The following AKAP6 variants were observed in gnomAD, a reference collection of about 807,000 sequenced individuals.
The protein encoded by AKAP6 is A-kinase anchor protein 6.
A neutral mutation model predicts 188.5 loss-of-function variants in AKAP6; 58 were observed. The ratio of observed to expected loss-of-function variants is 0.31; its 90% CI spans 0.25 to 0.38. The LOEUF (loss-of-function observed/expected upper bound fraction) is 0.38. AKAP6 is among the 10% of genes least tolerant of loss of function. The pLI is 1.00. For synonymous variants in AKAP6, 989 were observed against 998.6 expected (o/e 0.99, Z 0.18); for missense variants, 2,710 against 2,740.0 (o/e 0.99, Z 0.24).
At chr14:32,360,712 AGTGTGTGTGTGTGTGT>A (rs35969035) in intron 1 of AKAP6, among the ~76,000 whole-genome samples, 1 of 136,036 alleles carries the variant, frequency 7.4e-6, no homozygotes, top group Non-Finnish European at 1.6e-5. Context: ...TTGGCCATTG[AGTGTGTGTGTGTGTGT>A]GTGTGTGTGT....
At chr14:32,563,546 G>A (rs554050547) in intron 4 of AKAP6, among the ~76,000 whole-genome samples, 1 of 152,232 alleles carries the variant, frequency 6.6e-6, no homozygotes, top group Non-Finnish European at 1.5e-5. Flanking sequence ...CTGGTCTTTT[G>A]ACATCAAATG....
chr14:32,772,592 G>T (rs1431160779), intron 11 of AKAP6, among the ~76,000 whole-genome samples: 1 of 152,144 alleles, frequency 6.6e-6, no homozygotes, highest in Non-Finnish European at 1.5e-5. Flanking sequence ...ATGTCCACCT[G>T]CTGATCTGAT....
chr14:32,729,281 A>G (rs943260577), intron 9 of AKAP6, among the ~76,000 whole-genome samples: 6 of 152,174 alleles, frequency 3.9e-5, no homozygotes, highest in Non-Finnish European at 8.8e-5. Context: ...TAACAAAAAA[A>G]AAGGAGGGGG....
intron 2 of AKAP6, among the ~76,000 whole-genome samples, chr14:32,487,492 C>T (rs1420984277): frequency 2.6e-5 from 4 of 152,204 alleles, no homozygotes; most frequent in Non-Finnish European, 4.4e-5. Context: ...AGAACCTGCT[C>T]CTTTAGCTCA....
At chr14:32,628,116 A>G (rs777223645) in intron 7 of AKAP6, 1 of 152,114 alleles carries the variant, frequency 6.6e-6, no homozygotes, top group Non-Finnish European at 1.5e-5. Context: ...AAAGTACTTG[A>G]TTACACAATA....
chr14:32,380,205 T>G (rs1423832178), intron 1 of AKAP6, among the ~76,000 whole-genome samples: 1 of 152,214 alleles, frequency 6.6e-6, no homozygotes, highest in Admixed American at 6.5e-5. Context: ...CAAATGTCTG[T>G]GTATCCTTCA....
rs143615571 is a variant in AKAP6, at chr14:32,728,348, TTCTATCTATCTA to T, written c.3001-4071_3001-4060del. ...AGATATATTTTATTTTCTCAGTGTA[TTCTATCTATCTA>T]TCTATCTATCTATCTATCTATCTAT... On this transcript the variant is annotated intron_variant, in intron 9 of 13. Coordinates refer to ENST00000280979, the MANE Select transcript of AKAP6 (RefSeq NM_004274.5). Among the ~76,000 whole-genome samples the T allele has an allele frequency of 9.9e-3, 1,400 of 141,066 alleles. 10 individuals are homozygous for T. Among genetic ancestry groups the T allele is most frequent in the East Asian group, 0.061 (219 of 3,616 alleles). The allele number at this position is 141,066 out of a possible 152,430, so 92.5% of individuals were successfully genotyped here. A position where few individuals can be genotyped will look rare whatever the true frequency, so the allele number is the denominator to read the frequency against.
intron 2 of AKAP6, among the ~76,000 whole-genome samples, chr14:32,444,718 G>T (rs1396949936): frequency 7.3e-6 from 1 of 137,712 alleles, no homozygotes; most frequent in Non-Finnish European, 1.5e-5. Context: ...CTGGCCTTTG[G>T]CAAATTATGA....
At chr14:32,644,219 G>T (rs1887886236) in intron 7 of AKAP6, among the ~76,000 whole-genome samples, 1 of 152,196 alleles carries the variant, frequency 6.6e-6, no homozygotes. Flanking sequence ...ACAGAGCTTA[G>T]TCCAAATGGA....
At chr14:32,809,623 A>G (rs747646842) in intron 12 of AKAP6, among the ~76,000 whole-genome samples, 1 of 152,220 alleles carries the variant, frequency 6.6e-6, no homozygotes, top group South Asian at 2.1e-4. Flanking sequence ...ATGAGTTCCT[A>G]AAGTTTATGG....
At chr14:32,703,805 G>A (rs1176981479) in intron 9 of AKAP6, among the ~76,000 whole-genome samples, 2 of 152,158 alleles carry the variant, frequency 1.3e-5, no homozygotes, top group African/African-American at 2.4e-5. Flanking sequence ...CAGTAAAGAG[G>A]CTTCCACAGA....
At chr14:32,392,816 A>G (rs899178292) in intron 1 of AKAP6, among the ~76,000 whole-genome samples, 1 of 152,226 alleles carries the variant, frequency 6.6e-6, no homozygotes, top group Non-Finnish European at 1.5e-5. Context: ...TATAATTCAT[A>G]GACTGAAATA....
chr14:32,460,079 C>T (rs1383690542), intron 2 of AKAP6, among the ~76,000 whole-genome samples: 1 of 152,112 alleles, frequency 6.6e-6, no homozygotes, highest in Non-Finnish European at 1.5e-5. Context: ...AAAAATACAA[C>T]TTAATATAAT....
At position 32,575,323 on chromosome 14, in the gene AKAP6, G is replaced by T. The variant is rs544670324; in HGVS notation, c.2347-1797G>T. ...CAATATGAGAAAATTAGAAAAAAAG[G>T]CTGAGTTTGGTAGATCACCAGAAAA... is the stretch of plus-strand genomic sequence containing the variant. On this transcript the variant is annotated intron_variant, in intron 4 of 13. Coordinates refer to ENST00000280979, the MANE Select transcript of AKAP6 (RefSeq NM_004274.5). Among the ~76,000 whole-genome samples the T allele has an allele frequency of 2.6e-5, 4 of 152,152 alleles. No homozygotes were observed. In the South Asian group the frequency reaches 8.3e-4, roughly 32 times the overall value.
At chr14:32,599,361 T>G (rs1885830194) in intron 5 of AKAP6, 49 bp from the exon 6 acceptor site, 1 of 1,491,644 alleles carries the variant, frequency 6.7e-7, no homozygotes, top group Non-Finnish European at 9.3e-7. Context: ...ATGGATGTTT[T>G]ATGTGTAACT....
rs1452935879 is a variant in AKAP6, at chr14:32,552,596, A to C, written c.2346+5597A>C. On this transcript the variant is annotated intron_variant, in intron 4 of 13. Coordinates refer to ENST00000280979, the MANE Select transcript of AKAP6 (RefSeq NM_004274.5). ...AATTAATGAAGACCTTAGGAAAAAA[A>C]CAGACTTAATGAAGGAGTGAAAGTA... Among the ~76,000 whole-genome samples, 3 of 152,270 alleles carry C rather than the reference A, an allele frequency of 2.0e-5. No homozygotes were observed. The East Asian group carries it at 5.8e-4, about 29-fold the overall frequency.
chr14:32,583,253 A>G (rs933658921), intron 5 of AKAP6, among the ~76,000 whole-genome samples: 3 of 152,102 alleles, frequency 2.0e-5, no homozygotes, highest in African/African-American at 7.2e-5. Context: ...CTAGAGGTCC[A>G]CTCCAGACCC....
At chr14:32,645,511 G>A (rs1471778936) in intron 7 of AKAP6, among the ~76,000 whole-genome samples, 2 of 152,034 alleles carry the variant, frequency 1.3e-5, no homozygotes, top group Non-Finnish European at 1.5e-5. Flanking sequence ...TGAACTCCTG[G>A]GCTCACGTGA....
chr14:32,812,887 T>A (rs2034272123), intron 12 of AKAP6, among the ~76,000 whole-genome samples: 1 of 152,160 alleles, frequency 6.6e-6, no homozygotes. Flanking sequence ...CACTTAAAAG[T>A]TTCTCTGCAC....
Sources: gnomAD v4.1 joint callset for allele counts (sites outside exome capture counted in the v4.1 genomes callset) on GRCh38, gnomAD v4.1.1 for gene constraint, MANE v1.5 for transcripts, NCBI Gene and HGNC (gene_info 2026-07-23, HGNC 2026-07-21) for gene names.